FBXL2: variants seen among roughly 807,000 people sequenced by gnomAD.
FBXL2 encodes the protein F-box/LRR-repeat protein 2.
In FBXL2, 38 loss-of-function variants were observed where a neutral mutation model predicts 69.2. That is an observed-to-expected ratio of 0.55 (90% CI 0.42 to 0.72). The LOEUF is 0.72. Among genes scored for constraint, FBXL2 ranks in the 30% least tolerant of loss-of-function variants. The pLI, the probability that FBXL2 is intolerant of heterozygous loss-of-function variation, is 0.00. For missense variants in FBXL2, 354 were observed against 520.3 expected, an observed-to-expected ratio of 0.68 and a Z score of 3.11; for synonymous variants, 192 against 201.3, an observed-to-expected ratio of 0.95 and a Z score of 0.39.
rs2040091116 is a variant in FBXL2, at chr3:33,342,301, G to A, written c.66-16666G>A. Among the ~76,000 whole-genome samples the A allele has an allele frequency of 2.6e-5, 4 of 151,220 alleles. No homozygotes were observed. In the South Asian group the frequency reaches 8.3e-4, roughly 31 times the overall value. On this transcript the variant is annotated intron_variant, in intron 2 of 14. Coordinates refer to ENST00000484457, the MANE Select transcript of FBXL2 (RefSeq NM_012157.5). Reference sequence around the variant, plus strand: ...ATTACAGGTATAAGCCACTGTGCCCGGCCTATGCAGTTTTCTTTATATCCA... The same window carrying A: ...ATTACAGGTATAAGCCACTGTGCCCAGCCTATGCAGTTTTCTTTATATCCA...
At chr3:33,338,517 C>T (rs1458324548) in intron 2 of FBXL2, among the ~76,000 whole-genome samples, 1 of 152,122 alleles carries the variant, frequency 6.6e-6, no homozygotes, top group Non-Finnish European at 1.5e-5. Flanking sequence ...CCCACATGGA[C>T]TTCAAACTAT....
At chr3:33,278,849 A>G (rs959735568) in intron 1 of FBXL2, among the ~76,000 whole-genome samples, 3 of 152,232 alleles carry the variant, frequency 2.0e-5, no homozygotes, top group Non-Finnish European at 4.4e-5. Flanking sequence ...CAAATATTGC[A>G]GTAATTTACT....
At chr3:33,313,804 T>C (rs2125771450) in intron 2 of FBXL2, among the ~76,000 whole-genome samples, 1 of 152,304 alleles carries the variant, frequency 6.6e-6, no homozygotes, top group Non-Finnish European at 1.5e-5. Flanking sequence ...TGTTGTCATT[T>C]TGTTTTGTGA....
At chr3:33,403,118 G>A in intron 12 of FBXL2, 1 of 499,634 alleles carries the variant, frequency 2.0e-6, no homozygotes, top group Non-Finnish European at 3.6e-6. Flanking sequence ...TAATCTTAGA[G>A]AAGACCTAAA....
In FBXL2 at chr3:33,386,925, G is replaced by C. The variant is rs765794986; in HGVS notation, c.*1317G>C. ...CTCATGAGAAACTTAAAAGTGAAAC[G>C]GCAAAAGCAAGATGTGTTCCCATGA... On this transcript the variant is annotated 3_prime_UTR_variant, in exon 15 of 15. Transcript: ENST00000484457. 7 of 152,204 alleles carry C rather than the reference G, an allele frequency of 4.6e-5. No homozygotes were observed. In the East Asian group the frequency reaches 1.4e-3, roughly 29 times the overall value. The allele number at this position is 152,204 out of a possible 1,614,324, so 9.4% of individuals were successfully genotyped here.
chr3:33,382,338 C>G (rs986326976), intron 13 of FBXL2, among the ~76,000 whole-genome samples: 3 of 152,170 alleles, frequency 2.0e-5, no homozygotes, highest in Admixed American at 6.5e-5. Context: ...ACTGAATACA[C>G]CCCGATCAAA....
At chr3:33,363,491 G>A (rs1448572420) in intron 4 of FBXL2, among the ~76,000 whole-genome samples, 1 of 152,330 alleles carries the variant, frequency 6.6e-6, no homozygotes, top group African/African-American at 2.4e-5. Flanking sequence ...GTTGTAGTTA[G>A]TATTTATAAC....
chr3:33,411,569 A>G, the FBXL2 span: 1 of 1,612,728 alleles, frequency 6.2e-7, no homozygotes, highest in Non-Finnish European at 8.5e-7. Context: ...CTAATAATGT[A>G]AAAATCCAAA....
At chr3:33,326,364 G>T (rs1043457034) in intron 2 of FBXL2, among the ~76,000 whole-genome samples, 2 of 151,980 alleles carry the variant, frequency 1.3e-5, no homozygotes, top group African/African-American at 4.8e-5. Context: ...TTAGCCAGGC[G>T]TGGTGGCAGG....
chr3:33,404,141 G>C (rs556401619), downstream of FBXL2, among the ~76,000 whole-genome samples: 6 of 152,256 alleles, frequency 3.9e-5, no homozygotes, highest in African/African-American at 1.4e-4. Context: ...GGCCGGGCGC[G>C]GTGGCTCACG....
chr3:33,392,730 G>A (rs1023549445), downstream of FBXL2: 134 of 923,884 alleles, frequency 1.5e-4, no homozygotes, highest in Admixed American at 1.2e-3. Context: ...TGGCCAAAAC[G>A]ATAATTCATG....
intron 2 of FBXL2, among the ~76,000 whole-genome samples, chr3:33,346,411 G>GA (rs1023857584): frequency 5.6e-4 from 81 of 145,126 alleles, no homozygotes; most frequent in African/African-American, 1.2e-3. Flanking sequence ...TCTCTATCAA[G>GA]AAAAAAAAAA....
chr3:33,322,116 C>T (rs964814380), intron 2 of FBXL2, among the ~76,000 whole-genome samples: 7 of 122,758 alleles, frequency 5.7e-5, no homozygotes, highest in Non-Finnish European at 1.1e-4. Flanking sequence ...CTCACTCTGT[C>T]GCCTAGACTG....
rs1478803901 is a variant in FBXL2, at chr3:33,396,669, C to T, written n.1215-6565C>T. 4.4e-5 allele frequency: 18 copies of T among 412,048 alleles called. 1 individual carries two copies. The highest frequency in any genetic ancestry group is 2.7e-4 in the South Asian group (12 of 44,760). 25.5% of individuals were successfully genotyped at this position (412,048 alleles called of 1,614,324 possible). A position where few individuals can be genotyped will look rare whatever the true frequency, so the allele number is the denominator to read the frequency against. On this transcript the variant is annotated intron_variant and non_coding_transcript_variant, in intron 12 of 12. Coordinates refer to the FBXL2 transcript ENST00000463736. The stretch of plus-strand genomic sequence containing the variant: ...ATTTACAGTTTCTGTCATTTTAATT[C>T]ACAATTAGTTTACATTTTTAATAAC...
intron 1 of FBXL2, among the ~76,000 whole-genome samples, chr3:33,293,436 G>GT (rs1255871246): frequency 6.6e-6 from 1 of 152,202 alleles, no homozygotes. Flanking sequence ...TTACAAAGGT[G>GT]TAAGTGGAAG....
At chr3:33,326,945 T>C (rs2038747437) in intron 2 of FBXL2, among the ~76,000 whole-genome samples, 1 of 152,198 alleles carries the variant, frequency 6.6e-6, no homozygotes, top group African/African-American at 2.4e-5. Flanking sequence ...TCTGCTACCC[T>C]TAACACTCAG....
At chr3:33,280,101 C>T (rs1474152422) in intron 1 of FBXL2, among the ~76,000 whole-genome samples, 3 of 152,158 alleles carry the variant, frequency 2.0e-5, no homozygotes, top group African/African-American at 4.8e-5. Flanking sequence ...TTAGATACTA[C>T]GGAACAGGGT....
At chr3:33,366,929 C>T (rs2041989208) in intron 5 of FBXL2, among the ~76,000 whole-genome samples, 1 of 152,146 alleles carries the variant, frequency 6.6e-6, no homozygotes, top group African/African-American at 2.4e-5. Context: ...CAGAACGAGA[C>T]TCCATCTCAA....
At chr3:33,394,784 C>T (rs1225827090) in intron 12 of FBXL2, among the ~76,000 whole-genome samples, 1 of 149,750 alleles carries the variant, frequency 6.7e-6, no homozygotes, top group East Asian at 1.9e-4. Flanking sequence ...CACCAAACCA[C>T]AGCCCATATG....
Sources: allele counts gnomAD v4.1 joint callset (sites outside exome capture counted in the v4.1 genomes callset), GRCh38; gene constraint gnomAD v4.1.1; transcripts MANE v1.5; gene names NCBI Gene and HGNC (gene_info 2026-07-23, HGNC 2026-07-21).